The following DNAJB4 variants were observed in gnomAD, a reference collection of about 807,000 sequenced individuals.
The protein encoded by DNAJB4 is dnaJ homolog subfamily B member 4.
A neutral mutation model predicts 26.6 loss-of-function variants in DNAJB4; 10 were observed. The observed-to-expected ratio is 0.38, with a 90% CI of 0.23 to 0.64. The LOEUF (loss-of-function observed/expected upper bound fraction) is 0.64. DNAJB4 is among the 30% of genes least tolerant of loss of function. The pLI is 0.58. For missense variants in DNAJB4, 328 were observed against 408.2 expected, an observed-to-expected ratio of 0.80 and a Z score of 1.69; for synonymous variants, 136 against 134.8, an observed-to-expected ratio of 1.01 and a Z score of -0.06.
intron 1 of DNAJB4, among the ~76,000 whole-genome samples, chr1:77,983,291 T>C (rs1312159098): frequency 6.6e-6 from 1 of 152,202 alleles, no homozygotes; most frequent in African/African-American, 2.4e-5. Context: ...AGATGGAACA[T>C]ACAATCGGGT....
upstream of DNAJB4, among the ~76,000 whole-genome samples, chr1:78,000,008 G>C (rs140723414): frequency 5.3e-5 from 8 of 152,194 alleles, no homozygotes; most frequent in East Asian, 1.5e-3. Flanking sequence ...ATAAATATTG[G>C]AACTGAAATA....
intron 1 of DNAJB4, among the ~76,000 whole-genome samples, chr1:77,991,021 G>A (rs568536878): frequency 1.3e-5 from 2 of 152,290 alleles, no homozygotes; most frequent in African/African-American, 2.4e-5. Flanking sequence ...GGAGATATGG[G>A]GGGAAGTGTA....
chr1:77,994,825 TATC>T (rs1042452318), intron 1 of DNAJB4, among the ~76,000 whole-genome samples: 1 of 152,178 alleles, frequency 6.6e-6, no homozygotes, highest in Non-Finnish European at 1.5e-5. Flanking sequence ...TGAAAAAAAT[TATC>T]ATATTGTTTA....
intron 1 of DNAJB4, among the ~76,000 whole-genome samples, chr1:78,005,682 G>A (rs528122648): frequency 3.3e-5 from 5 of 152,226 alleles, no homozygotes; most frequent in South Asian, 2.1e-4. Flanking sequence ...AACCTGTTTC[G>A]TTTTCTAATG....
chr1:77,990,127 T>C (rs575468019), intron 1 of DNAJB4, among the ~76,000 whole-genome samples: 1 of 152,310 alleles, frequency 6.6e-6, no homozygotes, highest in East Asian at 1.9e-4. Context: ...GGAGAAGATA[T>C]CTGTTAGCTA....
chr1:77,998,569 GT>G (rs1660118370), intron 1 of DNAJB4, among the ~76,000 whole-genome samples: 1 of 152,198 alleles, frequency 6.6e-6, no homozygotes, highest in Non-Finnish European at 1.5e-5. Flanking sequence ...GCTGAGTGCG[GT>G]GGCTCAGACC....
At chr1:77,997,361 C>A (rs992523146) in intron 1 of DNAJB4, among the ~76,000 whole-genome samples, 14 of 148,948 alleles carry the variant, frequency 9.4e-5, no homozygotes, top group Non-Finnish European at 1.3e-4. Flanking sequence ...ATCTATATAT[C>A]TATATATATA....
intron 1 of DNAJB4, among the ~76,000 whole-genome samples, chr1:78,011,911 A>T (rs1660488187): frequency 6.7e-6 from 1 of 149,118 alleles, no homozygotes; most frequent in Non-Finnish European, 1.5e-5. Flanking sequence ...TGAATATGGT[A>T]TTTTATATTT....
At chr1:78,014,900 C>T (rs1366354113) in intron 2 of DNAJB4, among the ~76,000 whole-genome samples, 1 of 152,158 alleles carries the variant, frequency 6.6e-6, no homozygotes, top group Admixed American at 6.5e-5. Context: ...CGCACCTGGC[C>T]CAGTTTGCTC....
upstream of DNAJB4, among the ~76,000 whole-genome samples, chr1:77,979,855 G>A (rs1374257567): frequency 6.6e-6 from 1 of 151,850 alleles, no homozygotes; most frequent in Non-Finnish European, 1.5e-5. Context: ...ATATGTATGT[G>A]TCCATGGCCA....
At chr1:77,995,856 G>A (rs1660048588) in intron 1 of DNAJB4, among the ~76,000 whole-genome samples, 1 of 152,150 alleles carries the variant, frequency 6.6e-6, no homozygotes, top group Non-Finnish European at 1.5e-5. Flanking sequence ...TGAAATAGGA[G>A]AATCACTTGA....
intron 1 of DNAJB4, among the ~76,000 whole-genome samples, chr1:77,995,957 CAAAA>C (rs940956845): frequency 2.3e-4 from 35 of 151,848 alleles, no homozygotes; most frequent in African/African-American, 8.2e-4. Context: ...AAAAACAAAA[CAAAA>C]CAAAAAAAGA....
chr1:78,000,645 G>A (rs530154584), upstream of DNAJB4, among the ~76,000 whole-genome samples: 13 of 152,260 alleles, frequency 8.5e-5, no homozygotes, highest in African/African-American at 2.9e-4. Context: ...TTCTTGGACA[G>A]GAATTATTGG....
At chr1:77,999,600 A>G (rs923849947) in intron 1 of DNAJB4, among the ~76,000 whole-genome samples, 2 of 152,194 alleles carry the variant, frequency 1.3e-5, no homozygotes, top group African/African-American at 4.8e-5. Flanking sequence ...AAAGGAGACT[A>G]TTTGTCAATA....
At chr1:77,994,581 C>T (rs963046055) in intron 1 of DNAJB4, among the ~76,000 whole-genome samples, 6 of 55,994 alleles carry the variant, frequency 1.1e-4, no homozygotes, top group African/African-American at 4.3e-4. Flanking sequence ...ACTACTCTCT[C>T]TCTTTTTTTT....
chr1:77,997,314 CA>C (rs371562329), intron 1 of DNAJB4, among the ~76,000 whole-genome samples: 115 of 67,666 alleles, frequency 1.7e-3, no homozygotes, highest in South Asian at 0.012. Context: ...CCTGTCTCTA[CA>C]AAAAAAAAAA....
In DNAJB4 at chr1:78,016,408, G is replaced by A. The variant is rs1290319747; in HGVS notation, c.*161G>A. The A allele has an allele frequency of 1.7e-6, 1 of 587,800 alleles. No individual in the cohort carries two copies. The highest frequency in any genetic ancestry group is 1.9e-5 in the African/African-American group (1 of 53,020). 36.4% of individuals were successfully genotyped at this position (587,800 alleles called of 1,614,324 possible). On this transcript the variant is annotated 3_prime_UTR_variant, in exon 3 of 3. Transcript: ENST00000370763. ...GACGGGTCAAATAAATAGGCAAAAG[G>A]GATTTTTACAGTTAGAGATAAAAGA...
rs199671809 is a variant in DNAJB4, at chr1:77,993,504, T to G, written c.-31-11576T>G. 7.3e-4 allele frequency among the ~76,000 whole-genome samples: 111 copies of G among 151,412 alleles called. 2 individuals carry two copies. The East Asian group carries it at 0.014, about 18-fold the overall frequency. The stretch of plus-strand genomic sequence containing the variant: ...AATTTTTTTGTATTTTTAGTAGAGA[T>G]AGGGTTTCACCACGTTGGCCAGGCT... On this transcript the variant is annotated intron_variant, in intron 1 of 2. Transcript: ENST00000426517.
At chr1:78,003,092 C>T (rs1660232192), upstream of DNAJB4, among the ~76,000 whole-genome samples, 1 of 151,898 alleles carries the variant, frequency 6.6e-6, no homozygotes. Context: ...GTAAAGTCAC[C>T]GTTCCTTTGG....
Sources: gnomAD v4.1 joint callset for allele counts (sites outside exome capture counted in the v4.1 genomes callset) on GRCh38, gnomAD v4.1.1 for gene constraint, MANE v1.5 for transcripts, NCBI Gene and HGNC (gene_info 2026-07-23, HGNC 2026-07-21) for gene names.